The following COL11A1 variants were observed in gnomAD, a reference collection of about 807,000 sequenced individuals.
The protein encoded by COL11A1 is collagen alpha-1(XI) chain.
Under a neutral mutation model 265.2 loss-of-function variants are expected in COL11A1, and 74 were observed. The ratio of observed to expected loss-of-function variants is 0.28; its 90% CI spans 0.23 to 0.34. The LOEUF is 0.34. COL11A1 is among the 10% of genes least tolerant of loss of function. The probability of loss-of-function intolerance (pLI) is 1.00; values close to 1 mark genes in which losing one functional copy is unlikely to be tolerated. For synonymous variants in COL11A1, 816 were observed against 727.6 expected (o/e 1.12, Z -1.96); for missense variants, 2,165 against 2,263.6 (o/e 0.96, Z 0.88).
intron 46 of COL11A1, among the ~76,000 whole-genome samples, chr1:102,932,986 C>T (rs1657670980): frequency 7.6e-6 from 1 of 132,118 alleles, no homozygotes; most frequent in African/African-American, 2.7e-5. Flanking sequence ...TCTAGTTATA[C>T]CTTCTTCTAA....
intron 4 of COL11A1, among the ~76,000 whole-genome samples, chr1:103,038,457 G>A (rs1018168306): frequency 6.6e-6 from 1 of 152,086 alleles, no homozygotes; most frequent in Non-Finnish European, 1.5e-5. Flanking sequence ...TCGACAAAGC[G>A]AGACTCTTTC....
intron 66 of COL11A1, among the ~76,000 whole-genome samples, chr1:102,879,290 A>T (rs2101004482): frequency 6.6e-6 from 1 of 152,320 alleles, no homozygotes; most frequent in African/African-American, 2.4e-5. Flanking sequence ...GCTAAAAATT[A>T]TTGATATTAT....
intron 4 of COL11A1, among the ~76,000 whole-genome samples, chr1:103,054,374 T>G: frequency 6.6e-6 from 1 of 152,190 alleles, no homozygotes; most frequent in Admixed American, 6.5e-5. Flanking sequence ...TTTTGCTGAC[T>G]CTATGCTACT....
At chr1:102,950,764 C>T (rs948551521) in intron 41 of COL11A1, among the ~76,000 whole-genome samples, 5 of 152,118 alleles carry the variant, frequency 3.3e-5, no homozygotes, top group African/African-American at 1.2e-4. Flanking sequence ...TATGCTTAGG[C>T]TTTGTGTCCC....
chr1:102,904,349 G>T (rs542572660), intron 54 of COL11A1, among the ~76,000 whole-genome samples: 11 of 152,168 alleles, frequency 7.2e-5, no homozygotes, highest in African/African-American at 2.6e-4. Context: ...AAAAGCAATG[G>T]CAACAAAAGC....
intron 38 of COL11A1, 41 bp from the exon 39 acceptor site, chr1:102,962,801 T>C (rs1227178995): frequency 6.4e-7 from 1 of 1,573,584 alleles, no homozygotes; most frequent in Non-Finnish European, 8.7e-7. Flanking sequence ...TGCTCTTTTA[T>C]TTTTGGCAAA....
chr1:103,046,385 T>C (rs1048179252), intron 4 of COL11A1, among the ~76,000 whole-genome samples: 36 of 151,446 alleles, frequency 2.4e-4, no homozygotes, highest in Non-Finnish European at 1.2e-4. Flanking sequence ...ATGTGTTTTT[T>C]GGCTGCATAA....
At chr1:102,901,991 T>C (rs1405467541) in intron 54 of COL11A1, among the ~76,000 whole-genome samples, 1 of 152,188 alleles carries the variant, frequency 6.6e-6, no homozygotes, top group African/African-American at 2.4e-5. Context: ...ACAAAGATGA[T>C]ATCAGTGTAC....
chr1:102,952,131 GCT>G (rs34837300), intron 41 of COL11A1, among the ~76,000 whole-genome samples: 20,486 of 151,870 alleles, frequency 0.13, 1,516 homozygotes, highest in Middle Eastern at 0.19. Flanking sequence ...ATGGAGTCTT[GCT>G]CTGTCACCAG....
chr1:102,939,892 G>T (rs1487486606), intron 43 of COL11A1, among the ~76,000 whole-genome samples: 1 of 152,050 alleles, frequency 6.6e-6, no homozygotes, highest in East Asian at 1.9e-4. Context: ...GGAATTAGGA[G>T]CTTAGAGTCT....
At chr1:102,908,197 A>G (rs1654217344) in intron 54 of COL11A1, among the ~76,000 whole-genome samples, 1 of 152,058 alleles carries the variant, frequency 6.6e-6, no homozygotes, top group South Asian at 2.1e-4. Flanking sequence ...TGTGTCAAAT[A>G]CTTTTTCATG....
chr1:103,102,500 C>T (rs1674357030), intron 1 of COL11A1, among the ~76,000 whole-genome samples: 1 of 151,964 alleles, frequency 6.6e-6, no homozygotes, highest in African/African-American at 2.4e-5. Flanking sequence ...GTCACATTTC[C>T]CCAGTATTAC....
intron 1 of COL11A1, among the ~76,000 whole-genome samples, chr1:103,093,066 G>T (rs1453102920): frequency 6.6e-6 from 1 of 151,988 alleles, no homozygotes; most frequent in Non-Finnish European, 1.5e-5. Flanking sequence ...CAAAAGCCTT[G>T]AACTTTTGCA....
In COL11A1 at chr1:102,956,162, C is replaced by T. The variant is rs1660352415; in HGVS notation, c.3168+5704G>A. Among the ~76,000 whole-genome samples, 3 of 152,132 alleles carry T rather than the reference C, an allele frequency of 2.0e-5. 1 individual carries two copies. The highest frequency in any genetic ancestry group is 2.0e-4 in the Admixed American group (3 of 15,254). ...TACTAAGAGGACAAAAAGTGATGAG[C>T]AGTTCAAGACTAAATTTAGCACACA... On this transcript the variant is annotated intron_variant, in intron 41 of 66. Transcript: ENST00000370096.
chr1:102,908,289 A>G (rs1654234895), intron 54 of COL11A1, among the ~76,000 whole-genome samples: 1 of 152,030 alleles, frequency 6.6e-6, no homozygotes, highest in African/African-American at 2.4e-5. Context: ...AAATTATTCT[A>G]TGCATGTTTC....
chr1:102,879,535 A>G (rs570915258), intron 66 of COL11A1, 148 bp downstream of exon 66: 2 of 722,992 alleles, frequency 2.8e-6, no homozygotes, highest in East Asian at 5.4e-5. Flanking sequence ...TTTCTCACAT[A>G]CCATAGTTTA....
At chr1:102,912,856 C>T (rs1465614632) in intron 53 of COL11A1, among the ~76,000 whole-genome samples, 5 of 152,266 alleles carry the variant, frequency 3.3e-5, no homozygotes, top group South Asian at 4.1e-4. Flanking sequence ...CTCCTACTGC[C>T]ATGTGAAGAA....
At chr1:103,057,324 C>T (rs564861094) in intron 4 of COL11A1, among the ~76,000 whole-genome samples, 1 of 152,268 alleles carries the variant, frequency 6.6e-6, no homozygotes, top group African/African-American at 2.4e-5. Context: ...GAGGTTACAG[C>T]AGTTCAGTTA....
chr1:103,084,515 T>C (rs1672699494), intron 1 of COL11A1, among the ~76,000 whole-genome samples: 1 of 138,578 alleles, frequency 7.2e-6, no homozygotes, highest in Non-Finnish European at 1.6e-5. Flanking sequence ...TATCCAGCCA[T>C]AAAAAGGAAA....
Sources: allele counts gnomAD v4.1 joint callset (sites outside exome capture counted in the v4.1 genomes callset), GRCh38; gene constraint gnomAD v4.1.1; transcripts MANE v1.5; gene names NCBI Gene and HGNC (gene_info 2026-07-23, HGNC 2026-07-21).